Variants in CDC123 observed in about 807,000 individuals in gnomAD.
CDC123 encodes translation initiation factor eIF2 assembly protein.
Under a neutral mutation model 54.4 loss-of-function variants are expected in CDC123, and 37 were observed. The ratio of observed to expected loss-of-function variants is 0.68; its 90% CI spans 0.52 to 0.89. The LOEUF is 0.89. Among genes scored for constraint, CDC123 ranks in the 40% least tolerant of loss-of-function variants. The probability of loss-of-function intolerance (pLI) is 0.00; values close to 1 mark genes in which losing one functional copy is unlikely to be tolerated. For missense variants in CDC123, 361 were observed against 412.1 expected (o/e 0.88, Z 1.07); for synonymous variants, 144 against 136.8 (o/e 1.05, Z -0.37).
chr10:12,211,321 A>C (rs1339674558), intron 4 of CDC123, among the ~76,000 whole-genome samples: 2 of 152,146 alleles, frequency 1.3e-5, no homozygotes, highest in African/African-American at 4.8e-5. Flanking sequence ...GTTTTGTGGG[A>C]GGGTCTGTTC....
chr10:12,218,237 C>CT (rs1185705109), intron 6 of CDC123, among the ~76,000 whole-genome samples: 87 of 134,370 alleles, frequency 6.5e-4, no homozygotes, highest in African/African-American at 2.0e-3. Context: ...GTTTGTATTT[C>CT]TTTTTTTTTC....
At chr10:12,220,091 G>A (rs1180387720) in intron 6 of CDC123, among the ~76,000 whole-genome samples, 1 of 152,162 alleles carries the variant, frequency 6.6e-6, no homozygotes, top group African/African-American at 2.4e-5. Context: ...TTGGCTTCCT[G>A]AAGTGCTGGG....
chr10:12,215,265 T>A (rs1410843050), intron 4 of CDC123, among the ~76,000 whole-genome samples: 1 of 152,260 alleles, frequency 6.6e-6, no homozygotes, highest in Non-Finnish European at 1.5e-5. Context: ...CCACATCATT[T>A]ATTTTTCATT....
chr10:12,243,026 CTT>C (rs1205877903), intron 10 of CDC123, among the ~76,000 whole-genome samples: 8 of 151,122 alleles, frequency 5.3e-5, no homozygotes, highest in Non-Finnish European at 1.2e-4. Context: ...TACTTAAACT[CTT>C]TTTTTTTGTA....
rs1318483704 is a variant in CDC123, at chr10:12,210,448, G to T, written c.237+126G>T. 4 of 1,142,482 alleles carry T rather than the reference G, an allele frequency of 3.5e-6. No individual in the cohort carries two copies. In the African/African-American group the frequency reaches 6.4e-5, roughly 18 times the overall value. The allele number at this position is 1,142,482 out of a possible 1,614,324, so 70.8% of individuals were successfully genotyped here. A position where few individuals can be genotyped will look rare whatever the true frequency, so the allele number is the denominator to read the frequency against. ...CACCATCTCATATATTATTTTCCCTGTGGGCTGTCGTTTTTATTTTGAAAA... is the reference window on the plus strand; with the variant it reads ...CACCATCTCATATATTATTTTCCCTTTGGGCTGTCGTTTTTATTTTGAAAA... On this transcript the variant is annotated intron_variant, in intron 4 of 12. Coordinates refer to ENST00000281141, the MANE Select transcript of CDC123 (RefSeq NM_006023.3).
chr10:12,197,892 TC>T (rs1835387019), intron 1 of CDC123, among the ~76,000 whole-genome samples: 1 of 152,154 alleles, frequency 6.6e-6, no homozygotes, highest in Non-Finnish European at 1.5e-5. Flanking sequence ...AAAAAAAACT[TC>T]TTCCATAAAT....
chr10:12,219,977 C>T (rs1022014270), intron 6 of CDC123, among the ~76,000 whole-genome samples: 2 of 152,098 alleles, frequency 1.3e-5, no homozygotes, highest in South Asian at 2.1e-4. Context: ...CGTGGGCCAC[C>T]GCACCCGGCC....
At chr10:12,237,102 G>A (rs1285412745) in intron 8 of CDC123, 42 bp from the exon 9 acceptor site, 5 of 1,481,108 alleles carry the variant, frequency 3.4e-6, no homozygotes, top group Non-Finnish European at 4.5e-6. Context: ...TTTTTGAAAA[G>A]AATATTGTAT....
chr10:12,210,121 A>G lies in CDC123; in HGVS notation c.204+97A>G, dbSNP rs1036032840. The stretch of plus-strand genomic sequence containing the variant: ...TGTAGATCTTATCTTACATCTGATA[A>G]AATGAGAAATTACGTGAGAATCTTA... On this transcript the variant is annotated intron_variant, in intron 3 of 12. Coordinates refer to ENST00000281141, the MANE Select transcript of CDC123 (RefSeq NM_006023.3). The G allele has an allele frequency of 9.5e-6, 14 of 1,477,084 alleles. No homozygotes were observed. The African/African-American group carries it at 1.8e-4, about 19-fold the overall frequency. The allele number at this position is 1,477,084 out of a possible 1,614,324, so 91.5% of individuals were successfully genotyped here. A position where few individuals can be genotyped will look rare whatever the true frequency, so the allele number is the denominator to read the frequency against.
chr10:12,232,243 A>G (rs1202728293), intron 7 of CDC123, among the ~76,000 whole-genome samples: 2 of 152,214 alleles, frequency 1.3e-5, no homozygotes, highest in East Asian at 3.9e-4. Context: ...TTGACGGCTC[A>G]TAGTTTGTTG....
At chr10:12,248,440 C>T (rs946859252) in intron 11 of CDC123, among the ~76,000 whole-genome samples, 4 of 148,104 alleles carry the variant, frequency 2.7e-5, no homozygotes, top group South Asian at 4.3e-4. Flanking sequence ...ACCTGGAAGG[C>T]GGATGTTGCA....
At chr10:12,225,428 T>TA (rs1835796859) in intron 6 of CDC123, among the ~76,000 whole-genome samples, 1 of 151,956 alleles carries the variant, frequency 6.6e-6, no homozygotes, top group African/African-American at 2.4e-5. Flanking sequence ...GAAAAGAAAA[T>TA]ATGTGTCTAG....
At chr10:12,196,373 T>A (rs1835345305) in intron 1 of CDC123, 54 bp downstream of exon 1, 4 of 1,611,912 alleles carry the variant, frequency 2.5e-6, no homozygotes, top group Non-Finnish European at 2.5e-6. Flanking sequence ...CTGCGACTTC[T>A]GAGCGAATCT....
At chr10:12,221,905 C>A (rs1213390447) in intron 6 of CDC123, among the ~76,000 whole-genome samples, 1 of 152,084 alleles carries the variant, frequency 6.6e-6, no homozygotes, top group African/African-American at 2.4e-5. Context: ...AGTTTGGACA[C>A]CCCTGGTTAG....
chr10:12,248,324 A>T (rs1005413410), intron 11 of CDC123, among the ~76,000 whole-genome samples: 1 of 149,788 alleles, frequency 6.7e-6, no homozygotes, highest in Admixed American at 6.6e-5. Context: ...CCTGGCCAAC[A>T]TGGTGAAACC....
Position 12,250,536 on chromosome 10 carries a change from C to A in CDC123, c.*199C>A. On this transcript the variant is annotated 3_prime_UTR_variant, in exon 13 of 13. Transcript: ENST00000281141. ...TGTAAAAATAACATAATAAATAGAT[C>A]TTAAACATAGGAAAACCATACTGTT... 1 of 632,012 alleles carries A rather than the reference C, an allele frequency of 1.6e-6. No individual in the cohort carries two copies. The highest frequency in any genetic ancestry group is 2.9e-6 in the Non-Finnish European group (1 of 342,046). The allele number at this position is 632,012 out of a possible 1,614,324, so 39.2% of individuals were successfully genotyped here. A position where few individuals can be genotyped will look rare whatever the true frequency, so the allele number is the denominator to read the frequency against.
At chr10:12,203,398 C>T (rs1249279928) in intron 2 of CDC123, among the ~76,000 whole-genome samples, 1 of 152,228 alleles carries the variant, frequency 6.6e-6, no homozygotes, top group East Asian at 1.9e-4. Context: ...ATGGTAACCT[C>T]TACTGAGTTC....
rs1835894938 is a variant in CDC123 at position 12,230,956 on chromosome 10, A to G, written c.449A>G (p.His150Arg). 1.2e-6 allele frequency: 2 copies of G among 1,611,478 alleles called. No individual in the cohort carries two copies. The highest frequency in any genetic ancestry group is 1.7e-6 in the Non-Finnish European group (2 of 1,179,364). ...ITRDFTQPFIHCTDDSPDPCI... is the reference protein window; with the variant it reads ...ITRDFTQPFIRCTDDSPDPCI... ...TTCTTCTTCTTCCAAAGGTTTATTC[A>G]TTGTACTGATGATTCTCCAGATCCA... The change falls in exon 7 of 13, where the codon CAT becomes CGT. Residue 150 changes from histidine to arginine, a missense_variant. His to Arg is a conservative substitution (Grantham distance 29). Coordinates refer to ENST00000281141, the MANE Select transcript of CDC123 (RefSeq NM_006023.3).
chr10:12,196,656 G>T (rs1342285729), intron 1 of CDC123, among the ~76,000 whole-genome samples: 1 of 152,144 alleles, frequency 6.6e-6, no homozygotes. Context: ...ATTGCTTTTC[G>T]CCATCACCCC....
Sources: gnomAD v4.1 joint callset for allele counts (sites outside exome capture counted in the v4.1 genomes callset) on GRCh38, gnomAD v4.1.1 for gene constraint, MANE v1.5 for transcripts, NCBI Gene and HGNC (gene_info 2026-07-23, HGNC 2026-07-21) for gene names.